TMC2: variants seen among roughly 807,000 people sequenced by gnomAD.
The protein encoded by TMC2 is transmembrane channel like 2.
TMC2 carries 102 observed loss-of-function variants against 105.9 expected under a neutral mutation model. That is an observed-to-expected ratio of 0.96 (90% CI 0.82 to 1.14). The LOEUF is 1.14. Among genes scored for constraint, TMC2 ranks in the 50% most tolerant of loss-of-function variants. The pLI is 0.00. For synonymous variants in TMC2, 402 were observed against 422.8 expected (o/e 0.95, Z 0.60); for missense variants, 1,093 against 1,134.3 (o/e 0.96, Z 0.52).
Position 2,641,855 on chromosome 20 carries a change from A to G in TMC2, c.*504A>G. 1 of 154,298 alleles carries G rather than the reference A, an allele frequency of 6.5e-6. No individual in the cohort carries two copies. Among genetic ancestry groups the G allele is most frequent in the Non-Finnish European group, 1.4e-5 (1 of 69,630 alleles). 9.6% of individuals were successfully genotyped at this position (154,298 alleles called of 1,614,324 possible). A position where few individuals can be genotyped will look rare whatever the true frequency, so the allele number is the denominator to read the frequency against. On this transcript the variant is annotated 3_prime_UTR_variant, in exon 20 of 20. Transcript: ENST00000358864. Reference sequence around the variant, plus strand: ...ACCTGTAGTCCCAGCACTTTGGGAGACCAAGGTGGGTGGATCGCTTGAGCC... The same window carrying G: ...ACCTGTAGTCCCAGCACTTTGGGAGGCCAAGGTGGGTGGATCGCTTGAGCC...
intron 2 of TMC2, among the ~76,000 whole-genome samples, chr20:2,543,201 C>A (rs949104344): frequency 1.3e-5 from 2 of 151,504 alleles, no homozygotes; most frequent in African/African-American, 4.8e-5. Context: ...CTTACCACTG[C>A]ACTCCAGCCT....
At chr20:2,596,745 A>ATGTG (rs1028418495) in intron 9 of TMC2, among the ~76,000 whole-genome samples, 13 of 111,544 alleles carry the variant, frequency 1.2e-4, no homozygotes, top group Non-Finnish European at 2.2e-4. Context: ...GTGTGTGTGT[A>ATGTG]TGTGTGTGTG....
chr20:2,554,352 G>T (rs996850013), intron 2 of TMC2, among the ~76,000 whole-genome samples: 1 of 152,078 alleles, frequency 6.6e-6, no homozygotes, highest in Non-Finnish European at 1.5e-5. Flanking sequence ...TGGTTAGCCT[G>T]GCTAGAGGGT....
At chr20:2,606,866 A>G (rs1168985894) in intron 11 of TMC2, among the ~76,000 whole-genome samples, 1 of 125,298 alleles carries the variant, frequency 8.0e-6, no homozygotes, top group Non-Finnish European at 1.7e-5. Flanking sequence ...CAATTTTAAT[A>G]TAGTTTTCCC....
intron 8 of TMC2, among the ~76,000 whole-genome samples, chr20:2,593,460 C>T (rs909327934): frequency 6.6e-6 from 1 of 152,176 alleles, no homozygotes; most frequent in Admixed American, 6.5e-5. Context: ...GAAAAAGCCA[C>T]GGAGTTTTTC....
intron 2 of TMC2, among the ~76,000 whole-genome samples, chr20:2,557,086 GTTCTCTGGGCT>G (rs1274457984): frequency 6.6e-6 from 1 of 151,972 alleles, no homozygotes; most frequent in Non-Finnish European, 1.5e-5. Flanking sequence ...CCTGCTTGAT[GTTCTCTGGGCT>G]TTCTCGATGT....
chr20:2,594,638 G>A (rs1046920531), intron 8 of TMC2, among the ~76,000 whole-genome samples, 187 bp from the exon 9 acceptor site: 2 of 152,216 alleles, frequency 1.3e-5, no homozygotes, highest in Non-Finnish European at 2.9e-5. Flanking sequence ...GAAAGAAGGG[G>A]AGATATGGAG....
At chr20:2,625,845 G>T (rs80219859) in intron 17 of TMC2, among the ~76,000 whole-genome samples, 21,305 of 152,030 alleles carry the variant, frequency 0.14, 1,566 homozygotes, top group Middle Eastern at 0.17. Flanking sequence ...TATTCCCTTT[G>T]GACTGTTATT....
chr20:2,624,475 A>G (rs2086550308), intron 17 of TMC2, 79 bp downstream of exon 17: 2 of 1,514,538 alleles, frequency 1.3e-6, no homozygotes, highest in East Asian at 4.6e-5. Flanking sequence ...GGTCCTTTTC[A>G]TCTTGCCTTC....
intron 4 of TMC2, among the ~76,000 whole-genome samples, chr20:2,567,039 C>A (rs573244782): frequency 1.5e-4 from 23 of 152,324 alleles, no homozygotes; most frequent in African/African-American, 5.1e-4. Context: ...TTTGCCAGGC[C>A]AAAGCAAGGT....
chr20:2,633,355 C>T lies in TMC2; in HGVS notation c.2307-2571C>T, dbSNP rs183459517. Among the ~76,000 whole-genome samples the T allele has an allele frequency of 9.2e-5, 14 of 152,314 alleles. No individual in the cohort carries two copies. The East Asian group carries it at 2.7e-3, about 29-fold the overall frequency. Reference sequence around the variant, plus strand: ...AGCCCTGGACAGGCACAGAGCCTTACACATCATGCACACAGTTCTCTATAG... The same window carrying T: ...AGCCCTGGACAGGCACAGAGCCTTATACATCATGCACACAGTTCTCTATAG... On this transcript the variant is annotated intron_variant, in intron 17 of 19. Coordinates refer to ENST00000358864, the MANE Select transcript of TMC2 (RefSeq NM_080751.3).
intron 4 of TMC2, among the ~76,000 whole-genome samples, chr20:2,568,980 G>C (rs1463267424): frequency 6.6e-6 from 1 of 152,178 alleles, no homozygotes; most frequent in Non-Finnish European, 1.5e-5. Context: ...GAGCAGTGGT[G>C]ACTGTAGCAA....
intron 2 of TMC2, among the ~76,000 whole-genome samples, chr20:2,551,063 CTG>C (rs2085953640): frequency 6.6e-6 from 1 of 152,194 alleles, no homozygotes; most frequent in South Asian, 2.1e-4. Context: ...AACTGCCATA[CTG>C]TTTTCCAAAG....
chr20:2,557,533 T>G (rs1278133103), intron 2 of TMC2, among the ~76,000 whole-genome samples: 1 of 152,224 alleles, frequency 6.6e-6, no homozygotes, highest in Non-Finnish European at 1.5e-5. Flanking sequence ...TATTTTTATT[T>G]TATTTTGTTT....
At chr20:2,560,633 C>T (rs2086019387) in intron 3 of TMC2, among the ~76,000 whole-genome samples, 1 of 151,986 alleles carries the variant, frequency 6.6e-6, no homozygotes, top group Non-Finnish European at 1.5e-5. Context: ...GTCAGGAGAT[C>T]GAGATCATCC....
chr20:2,558,581 C>G lies in TMC2; in HGVS notation c.208C>G (p.Arg70Gly), dbSNP rs200576761. 3 of 1,553,694 alleles carry G rather than the reference C, an allele frequency of 1.9e-6. No homozygotes were observed. The highest frequency in any genetic ancestry group is 2.6e-6 in the Non-Finnish European group (3 of 1,148,258). The part of the protein sequence containing the change: ...AGGSPSPGSP[R>G]RKQTGRRRHR... The stretch of plus-strand genomic sequence containing the variant: ...GGGCAGCCCAAGCCCGGGGTCTCCC[C>G]GGAGGAAGCAAACAGGGCGCAGGAG... Residue 70 changes from arginine to glycine, a missense_variant, in exon 3 of 20, where the codon CGG (arginine) becomes GGG (glycine). Coordinates refer to ENST00000358864, the MANE Select transcript of TMC2 (RefSeq NM_080751.3). This position sits in a 1 kb window ranked among gnomAD's most constrained non-coding sequence, Gnocchi z 4.6.
intron 18 of TMC2, among the ~76,000 whole-genome samples, chr20:2,637,028 G>A (rs80091120): frequency 0.11 from 16,957 of 152,206 alleles, 1,163 homozygotes; most frequent in Middle Eastern, 0.17. Context: ...GTGAATCTGA[G>A]AGCCTCAGGC....
intron 11 of TMC2, among the ~76,000 whole-genome samples, chr20:2,604,663 C>G (rs1035607024): frequency 2.4e-4 from 36 of 152,046 alleles, no homozygotes; most frequent in Non-Finnish European, 1.2e-4. Context: ...GGGGAACCAG[C>G]CAGTGATTAG....
chr20:2,612,458 C>T (rs922347234), intron 13 of TMC2, 118 bp downstream of exon 13: 3 of 1,005,696 alleles, frequency 3.0e-6, no homozygotes, highest in South Asian at 3.2e-5. Context: ...ATCCAGCAAA[C>T]ATTTCATAAT....
Sources: allele counts gnomAD v4.1 joint callset (sites outside exome capture counted in the v4.1 genomes callset), GRCh38; gene constraint gnomAD v4.1.1; non-coding constraint Gnocchi (gnomAD v3.1); transcripts MANE v1.5; gene names NCBI Gene and HGNC (gene_info 2026-07-23, HGNC 2026-07-21).